PITPNC1: variants seen among roughly 807,000 people sequenced by gnomAD.
PITPNC1 encodes the protein cytoplasmic phosphatidylinositol transfer protein 1.
A neutral mutation model predicts 44.7 loss-of-function variants in PITPNC1; 18 were observed. The observed-to-expected ratio is 0.40, with a 90% CI of 0.28 to 0.60. PITPNC1 has a LOEUF of 0.60. Ranked by LOEUF, PITPNC1 falls within the 20% of genes least tolerant of loss-of-function variation. PITPNC1 has a pLI of 0.39. For missense variants in PITPNC1, 290 were observed against 418.4 expected, an observed-to-expected ratio of 0.69 and a Z score of 2.68; for synonymous variants, 141 against 149.6, an observed-to-expected ratio of 0.94 and a Z score of 0.42.
chr17:67,634,064 C>A (rs2042001853), intron 6 of PITPNC1, among the ~76,000 whole-genome samples: 1 of 152,186 alleles, frequency 6.6e-6, no homozygotes, highest in Non-Finnish European at 1.5e-5. Flanking sequence ...CCCCAAAGAA[C>A]CTCCACTAGA....
intron 1 of PITPNC1, among the ~76,000 whole-genome samples, chr17:67,518,093 G>A (rs74831904): frequency 0.014 from 2,195 of 152,220 alleles, 47 homozygotes; most frequent in African/African-American, 0.05. Context: ...GTAAGTAAAC[G>A]CTGTAGGACT....
intron 1 of PITPNC1, among the ~76,000 whole-genome samples, chr17:67,381,701 C>T (rs538069557): frequency 4.6e-4 from 68 of 148,800 alleles, no homozygotes; most frequent in African/African-American, 1.6e-3. Context: ...CTCCTGACCT[C>T]GCGATCCGCC....
intron 1 of PITPNC1, among the ~76,000 whole-genome samples, chr17:67,416,422 T>C (rs1354892144): frequency 5.3e-5 from 8 of 151,880 alleles, no homozygotes; most frequent in South Asian, 2.1e-4. Flanking sequence ...CACCATTTTG[T>C]CCAGGCTGGT....
chr17:67,459,823 G>GA (rs2143969637), intron 1 of PITPNC1: 1 of 152,204 alleles, frequency 6.6e-6, no homozygotes, highest in Admixed American at 6.5e-5. Context: ...GAGGGGTTTA[G>GA]AAAAAATAGC....
At chr17:67,532,727 C>A in intron 1 of PITPNC1, 75 bp from the exon 2 acceptor site, 2 of 1,245,394 alleles carry the variant, frequency 1.6e-6, no homozygotes, top group Non-Finnish European at 2.2e-6. Context: ...TAGTGGCTTG[C>A]CAAGCTATGG....
chr17:67,622,823 G>A (rs946286877), intron 5 of PITPNC1, among the ~76,000 whole-genome samples: 1 of 151,714 alleles, frequency 6.6e-6, no homozygotes, highest in African/African-American at 2.4e-5. Context: ...TTGCAGTCAC[G>A]CCAATGCATT....
At position 67,414,370 on chromosome 17, in the gene PITPNC1, G is replaced by A. The variant is rs530433504; in HGVS notation, c.48+36168G>A. On this transcript the variant is annotated intron_variant, in intron 1 of 8. Transcript: ENST00000581322. ...CTGGAATACTATTCAGCAGTGAAAA[G>A]GAAATGAACTATTTATACATACAAC... is the stretch of plus-strand genomic sequence containing the variant. Among the ~76,000 whole-genome samples, 5 of 152,204 alleles carry A rather than the reference G, an allele frequency of 3.3e-5. No individual in the cohort carries two copies. In the South Asian group the frequency reaches 8.3e-4, roughly 25 times the overall value.
intron 5 of PITPNC1, among the ~76,000 whole-genome samples, chr17:67,584,319 T>G (rs2041280607): frequency 6.6e-6 from 1 of 152,158 alleles, no homozygotes; most frequent in Non-Finnish European, 1.5e-5. Flanking sequence ...GAAACTCCTC[T>G]GATAAAATGA....
intron 1 of PITPNC1, among the ~76,000 whole-genome samples, chr17:67,445,614 C>A (rs1207114181): frequency 1.3e-5 from 2 of 152,012 alleles, no homozygotes; most frequent in Non-Finnish European, 2.9e-5. Context: ...TTACCTGCAC[C>A]AACTACCAGG....
intron 5 of PITPNC1, chr17:67,613,438 C>T (rs1359437028): frequency 6.6e-6 from 1 of 152,126 alleles, no homozygotes; most frequent in Non-Finnish European, 1.5e-5. Flanking sequence ...TAGATGTTCA[C>T]TGTGTTATTA....
At chr17:67,440,030 G>C (rs965425751) in intron 1 of PITPNC1, among the ~76,000 whole-genome samples, 34 of 152,166 alleles carry the variant, frequency 2.2e-4, no homozygotes, top group Non-Finnish European at 2.9e-5. Context: ...TCTGAAATGA[G>C]AACTGTCTGT....
At chr17:67,646,967 A>T (rs898153081) in intron 6 of PITPNC1, among the ~76,000 whole-genome samples, 2 of 152,304 alleles carry the variant, frequency 1.3e-5, no homozygotes, top group Admixed American at 1.3e-4. Context: ...ACACCAAGTA[A>T]GATTCCTTCA....
chr17:67,630,684 T>A (rs1449967457), intron 5 of PITPNC1, among the ~76,000 whole-genome samples: 1 of 151,622 alleles, frequency 6.6e-6, no homozygotes, highest in Non-Finnish European at 1.5e-5. Flanking sequence ...TGAGAAGAAC[T>A]AGAAGAACTT....
intron 1 of PITPNC1, among the ~76,000 whole-genome samples, chr17:67,523,633 G>T (rs2040356260): frequency 6.6e-6 from 1 of 151,802 alleles, no homozygotes; most frequent in South Asian, 2.1e-4. Context: ...TCAGGACGCT[G>T]GCTTCACATT....
At chr17:67,657,535 T>G (rs2042285910) in intron 6 of PITPNC1, among the ~76,000 whole-genome samples, 1 of 152,120 alleles carries the variant, frequency 6.6e-6, no homozygotes, top group South Asian at 2.1e-4. Context: ...CCCAGCCCTA[T>G]TGCCGAGTGC....
chr17:67,652,137 A>C (rs891756438), intron 6 of PITPNC1, among the ~76,000 whole-genome samples: 2 of 152,192 alleles, frequency 1.3e-5, no homozygotes, highest in Non-Finnish European at 2.9e-5. Flanking sequence ...TAACAGGGCA[A>C]GCCCCTGTTG....
At chr17:67,635,822 G>A (rs2042025240) in intron 6 of PITPNC1, among the ~76,000 whole-genome samples, 1 of 152,172 alleles carries the variant, frequency 6.6e-6, no homozygotes, top group Non-Finnish European at 1.5e-5. Context: ...GGAAGAGAAT[G>A]GAAAACTGTC....
At chr17:67,608,256 A>T (rs974996551) in intron 5 of PITPNC1, among the ~76,000 whole-genome samples, 7 of 146,848 alleles carry the variant, frequency 4.8e-5, no homozygotes, top group Non-Finnish European at 1.0e-4. Context: ...ACAAAAAAAA[A>T]CAAAAAAAAA....
At chr17:67,428,336 C>A (rs961368718) in intron 1 of PITPNC1, among the ~76,000 whole-genome samples, 1 of 151,670 alleles carries the variant, frequency 6.6e-6, no homozygotes, top group Admixed American at 6.6e-5. Context: ...CCCAGGAGTT[C>A]GAGACCAACT....
Sources: allele counts gnomAD v4.1 joint callset (sites outside exome capture counted in the v4.1 genomes callset), GRCh38; gene constraint gnomAD v4.1.1; transcripts MANE v1.5; gene names NCBI Gene and HGNC (gene_info 2026-07-23, HGNC 2026-07-21).